Variants in MEF2C observed in about 807,000 individuals in gnomAD.
MEF2C encodes myocyte-specific enhancer factor 2C.
MEF2C carries 6 observed loss-of-function variants against 50.5 expected under a neutral mutation model. That is an observed-to-expected ratio of 0.12 (90% CI 0.07 to 0.23). The LOEUF is 0.23. Ranked by LOEUF, MEF2C falls within the 10% of genes least tolerant of loss-of-function variation. The pLI, the probability that MEF2C is intolerant of heterozygous loss-of-function variation, is 1.00. For missense variants in MEF2C, 276 were observed against 605.0 expected, an observed-to-expected ratio of 0.46 and a Z score of 5.70; for synonymous variants, 183 against 228.0, an observed-to-expected ratio of 0.80 and a Z score of 1.78.
At chr5:88,894,872 C>A (rs1331304361) in intron 1 of MEF2C, among the ~76,000 whole-genome samples, 2 of 152,026 alleles carry the variant, frequency 1.3e-5, no homozygotes, top group Non-Finnish European at 2.9e-5. Context: ...ATAAAATGGG[C>A]AGCGGAGGGT....
chr5:88,731,770 C>G lies in MEF2C; in HGVS notation c.769G>C (p.Val257Leu), dbSNP rs1399640142. The change falls in exon 7 of 11, where the codon GTT becomes CTT. Residue 257 changes from valine to leucine, a missense_variant. Val to Leu is a conservative substitution (Grantham distance 32). Transcript: ENST00000504921. ...TTCTTGCTGCCTGGTGGAATAAGAA[C>G]TCGGAGATCTGGTTTACGGTTATTC... ...GMNNRKPDLR[V>L]LIPPGSKNTM... 3.1e-6 allele frequency: 5 copies of G among 1,613,214 alleles called. No individual in the cohort carries two copies. The highest frequency in any genetic ancestry group is 4.2e-6 in the Non-Finnish European group (5 of 1,179,468).
intron 2 of MEF2C, among the ~76,000 whole-genome samples, chr5:88,805,602 A>C (rs1203835659): frequency 6.6e-6 from 1 of 151,892 alleles, no homozygotes; most frequent in African/African-American, 2.4e-5. Context: ...GCCTGGAATC[A>C]TTCCTTCCTC....
intron 6 of MEF2C, chr5:88,748,737 A>G: frequency 1.0e-6 from 1 of 975,088 alleles, no homozygotes; most frequent in Non-Finnish European, 1.2e-6. Flanking sequence ...ATGTGAAATG[A>G]TTAACAGAGA....
intron 1 of MEF2C, among the ~76,000 whole-genome samples, chr5:88,894,228 T>C (rs1459732818): frequency 6.6e-6 from 1 of 152,212 alleles, no homozygotes; most frequent in African/African-American, 2.4e-5. Context: ...AGTGCTGACA[T>C]GACCTGCCCA....
intron 1 of MEF2C, among the ~76,000 whole-genome samples, chr5:88,875,575 A>G (rs531907372): frequency 6.6e-6 from 1 of 152,044 alleles, no homozygotes; most frequent in Non-Finnish European, 1.5e-5. Context: ...CTCATTTTCT[A>G]TCTCACACCT....
chr5:88,728,742 T>C (rs890761020), intron 9 of MEF2C, 114 bp from the exon 10 acceptor site: 3 of 775,572 alleles, frequency 3.9e-6, no homozygotes, highest in African/African-American at 1.8e-5. Flanking sequence ...ATCGTTATTA[T>C]AGATATTTTT....
Position 88,853,934 on chromosome 5 carries a change from ATTG to A in MEF2C, c.-143+29018_-143+29020del, listed in dbSNP as rs573092353. Among the ~76,000 whole-genome samples, 154 of 152,306 alleles carry A rather than the reference ATTG, an allele frequency of 1.0e-3. 1 individual carries two copies. Among genetic ancestry groups the A allele is most frequent in the African/African-American group, 3.5e-3 (147 of 41,574 alleles). ...ACATTGTTTTATCAGTGACAACATT[ATTG>A]TTATTTCATGACCTCACTTGTGACA... On this transcript the variant is annotated intron_variant, in intron 1 of 10. Transcript: ENST00000504921.
intron 1 of MEF2C, among the ~76,000 whole-genome samples, chr5:88,826,638 G>A (rs183607646): frequency 2.6e-5 from 4 of 152,050 alleles, no homozygotes; most frequent in East Asian, 1.9e-4. Flanking sequence ...TAAAAGGTCA[G>A]TTTCAAGTAT....
chr5:88,888,592 TTC>T (rs1194958225), intron 1 of MEF2C, among the ~76,000 whole-genome samples: 2 of 152,192 alleles, frequency 1.3e-5, no homozygotes, highest in Non-Finnish European at 2.9e-5. Flanking sequence ...ATTTGGTGAG[TTC>T]TCTTTCTTCC....
rs141302585 is a variant in MEF2C, at chr5:88,778,968, C to T, written c.259-17640G>A. On this transcript the variant is annotated intron_variant, in intron 3 of 10. Transcript: ENST00000504921. ...GTCACTGACTCTGCTTCCGCAGTAGCGGAGCTCCCCTGTTTTCTCTGGAGG... is the reference window on the plus strand; with the variant it reads ...GTCACTGACTCTGCTTCCGCAGTAGTGGAGCTCCCCTGTTTTCTCTGGAGG... Among the ~76,000 whole-genome samples, 1,131 of 152,316 alleles carry T rather than the reference C, an allele frequency of 7.4e-3. 11 individuals carry two copies. Among genetic ancestry groups the T allele is most frequent in the African/African-American group, 0.025 (1,034 of 41,576 alleles).
At chr5:88,833,802 A>G (rs1561259260) in intron 1 of MEF2C, among the ~76,000 whole-genome samples, 1 of 152,236 alleles carries the variant, frequency 6.6e-6, no homozygotes, top group East Asian at 1.9e-4. Context: ...AGAAAAATAT[A>G]ATTATAGTGC....
rs906906162 is a variant in MEF2C at position 88,750,138 on chromosome 5, A to T, written c.590-1021T>A. 7 of 857,282 alleles carry T rather than the reference A, an allele frequency of 8.2e-6. No individual in the cohort carries two copies. The African/African-American group carries it at 1.3e-4, about 16-fold the overall frequency. The allele number at this position is 857,282 out of a possible 1,614,324, so 53.1% of individuals were successfully genotyped here. A position where few individuals can be genotyped will look rare whatever the true frequency, so the allele number is the denominator to read the frequency against. Reference sequence around the variant, plus strand: ...AATTGCCTCTAAGTGATACTCTGTAATTATTAGTTGGTTCAGGTTTTGGAA... The same window carrying T: ...AATTGCCTCTAAGTGATACTCTGTATTTATTAGTTGGTTCAGGTTTTGGAA... On this transcript the variant is annotated intron_variant, in intron 5 of 10. Coordinates refer to ENST00000504921, the MANE Select transcript of MEF2C (RefSeq NM_002397.5).
intron 1 of MEF2C, chr5:88,825,654 A>G: frequency 1.0e-6 from 1 of 984,654 alleles, no homozygotes; most frequent in East Asian, 1.1e-4. Flanking sequence ...CTGTCCATCT[A>G]TTTTTAGAAA....
At chr5:88,895,306 T>C (rs969413124) in intron 1 of MEF2C, among the ~76,000 whole-genome samples, 1 of 152,334 alleles carries the variant, frequency 6.6e-6, no homozygotes, top group Admixed American at 6.5e-5. Context: ...TCTTACATGT[T>C]GGACTGCTAA....
intron 6 of MEF2C, chr5:88,737,734 A>AAG: frequency 1.0e-6 from 1 of 985,414 alleles, no homozygotes; most frequent in Middle Eastern, 5.2e-4. Flanking sequence ...CATTCCTCTG[A>AAG]AGATGAAACA....
intron 3 of MEF2C, among the ~76,000 whole-genome samples, chr5:88,762,577 A>C (rs1475864760): frequency 8.7e-6 from 1 of 114,650 alleles, no homozygotes; most frequent in African/African-American, 2.7e-5. Flanking sequence ...CTGCTTTATT[A>C]TTATTATTTT....
chr5:88,743,486 T>C (rs1248609489), intron 6 of MEF2C: 17 of 985,228 alleles, frequency 1.7e-5, no homozygotes, highest in Non-Finnish European at 1.9e-5. Context: ...CTTAGTTCTA[T>C]TTTGTAATAT....
At chr5:88,733,323 G>T in intron 6 of MEF2C, 1 of 985,316 alleles carries the variant, frequency 1.0e-6, no homozygotes, top group Non-Finnish European at 1.2e-6. Flanking sequence ...AAAGAGAGGG[G>T]TGTCAGAGGC....
At chr5:88,796,034 G>C (rs763770160) in intron 3 of MEF2C, among the ~76,000 whole-genome samples, 1 of 152,070 alleles carries the variant, frequency 6.6e-6, no homozygotes, top group African/African-American at 2.4e-5. Flanking sequence ...TGCTGGATTC[G>C]GTTTGCCAGT....
Sources: allele counts gnomAD v4.1 joint callset (sites outside exome capture counted in the v4.1 genomes callset), GRCh38; gene constraint gnomAD v4.1.1; transcripts MANE v1.5; gene names NCBI Gene and HGNC (gene_info 2026-07-23, HGNC 2026-07-21).